Variants in GRM5 observed in about 807,000 individuals in gnomAD.
GRM5 encodes the protein glutamate metabotropic receptor 5.
Under a neutral mutation model 83.1 loss-of-function variants are expected in GRM5, and 19 were observed. That is an observed-to-expected ratio of 0.23 (90% CI 0.16 to 0.34). GRM5 has a LOEUF of 0.34. Among genes scored for constraint, GRM5 ranks in the 10% least tolerant of loss-of-function variants. The pLI is 1.00. For missense variants in GRM5, 1,160 were observed against 1,588.3 expected, an observed-to-expected ratio of 0.73 and a Z score of 4.58; for synonymous variants, 675 against 633.6, an observed-to-expected ratio of 1.07 and a Z score of -0.98.
At chr11:88,909,545 T>TACACACAC (rs60637208) in intron 2 of GRM5, among the ~76,000 whole-genome samples, 7,496 of 146,090 alleles carry the variant, frequency 0.051, 266 homozygotes, top group South Asian at 0.1. Context: ...TCCTCACCAG[T>TACACACAC]ACACACACAC....
intron 3 of GRM5, among the ~76,000 whole-genome samples, chr11:88,715,433 G>GA (rs5793345): frequency 0.048 from 7,279 of 150,458 alleles, 167 homozygotes; most frequent in Middle Eastern, 0.088. Flanking sequence ...ATTTTTTCAT[G>GA]AAAAAAAAAA....
chr11:88,515,184 C>A (rs1941489728), intron 9 of GRM5, among the ~76,000 whole-genome samples: 1 of 152,118 alleles, frequency 6.6e-6, no homozygotes, highest in South Asian at 2.1e-4. Flanking sequence ...AGCACCTTAA[C>A]AAAGGAGAAT....
chr11:88,566,376 C>T (rs1942874481), intron 8 of GRM5, among the ~76,000 whole-genome samples: 1 of 152,186 alleles, frequency 6.6e-6, no homozygotes, highest in Non-Finnish European at 1.5e-5. Context: ...GGTCGAATAA[C>T]TACTACCTGT....
At chr11:88,646,824 G>A (rs1939468478) in intron 4 of GRM5, among the ~76,000 whole-genome samples, 1 of 149,590 alleles carries the variant, frequency 6.7e-6, no homozygotes, top group South Asian at 2.2e-4. Flanking sequence ...TGCAGGTTCT[G>A]ACTGCAAAAT....
At chr11:88,844,542 C>T (rs964595916) in intron 3 of GRM5, among the ~76,000 whole-genome samples, 1 of 152,082 alleles carries the variant, frequency 6.6e-6, no homozygotes, top group Non-Finnish European at 1.5e-5. Context: ...TATGAATCAA[C>T]AAGTAATTTT....
chr11:88,588,313 C>A (rs2135203855), intron 7 of GRM5, among the ~76,000 whole-genome samples: 1 of 152,154 alleles, frequency 6.6e-6, no homozygotes, highest in Middle Eastern at 3.4e-3. Flanking sequence ...TTGTTAAAAG[C>A]ACCTTGCTTA....
intron 2 of GRM5, among the ~76,000 whole-genome samples, chr11:88,905,945 A>T (rs899321591): frequency 3.9e-5 from 6 of 152,196 alleles, no homozygotes; most frequent in African/African-American, 1.2e-4. Context: ...ATTTTAGAGA[A>T]TAAAACAGGA....
At chr11:88,875,229 T>A (rs913177779) in intron 2 of GRM5, among the ~76,000 whole-genome samples, 2 of 152,040 alleles carry the variant, frequency 1.3e-5, no homozygotes, top group African/African-American at 2.4e-5. Context: ...ATTTTCTAAA[T>A]CATTCTCATT....
intron 3 of GRM5, among the ~76,000 whole-genome samples, chr11:88,711,121 A>G (rs1255324472): frequency 1.3e-5 from 2 of 152,062 alleles, no homozygotes; most frequent in Non-Finnish European, 2.9e-5. Context: ...AAACAAAGGG[A>G]TAATGGGAGG....
intron 3 of GRM5, among the ~76,000 whole-genome samples, chr11:88,807,679 AAG>A (rs1943519707): frequency 6.6e-6 from 1 of 152,088 alleles, no homozygotes; most frequent in Admixed American, 6.6e-5. Context: ...CTGTCACCAA[AAG>A]AGAGATCTGA....
chr11:88,689,674 C>G (rs1223245817), intron 3 of GRM5, among the ~76,000 whole-genome samples: 1 of 152,136 alleles, frequency 6.6e-6, no homozygotes, highest in Non-Finnish European at 1.5e-5. Flanking sequence ...ACTTTCTGAT[C>G]CCCAGCTCTG....
chr11:88,650,252 C>T (rs550132700), intron 4 of GRM5, among the ~76,000 whole-genome samples: 43 of 151,788 alleles, frequency 2.8e-4, no homozygotes, highest in Non-Finnish European at 5.0e-4. Flanking sequence ...ATGAGAGATA[C>T]AGTAAGGTAA....
chr11:88,953,162 G>T (rs1938513726), intron 2 of GRM5, among the ~76,000 whole-genome samples: 1 of 152,184 alleles, frequency 6.6e-6, no homozygotes, highest in African/African-American at 2.4e-5. Context: ...CTTGCAATTT[G>T]TAAGACTCGT....
At chr11:88,759,627 G>A (rs1442161349) in intron 3 of GRM5, among the ~76,000 whole-genome samples, 1 of 152,084 alleles carries the variant, frequency 6.6e-6, no homozygotes, top group Non-Finnish European at 1.5e-5. Flanking sequence ...CAATAATAGT[G>A]GGAGATTTCA....
At chr11:88,882,936 T>C (rs1944984094) in intron 2 of GRM5, among the ~76,000 whole-genome samples, 1 of 152,012 alleles carries the variant, frequency 6.6e-6, no homozygotes, top group Non-Finnish European at 1.5e-5. Flanking sequence ...AAAGGGGAGT[T>C]TCCCTGCCTA....
chr11:88,526,762 A>G (rs545286462), intron 8 of GRM5, among the ~76,000 whole-genome samples: 29 of 152,224 alleles, frequency 1.9e-4, no homozygotes, highest in African/African-American at 6.5e-4. Context: ...TAAAGTATCT[A>G]GTATTTGAAG....
chr11:89,051,625 G>A (rs1277514512), intron 1 of GRM5, among the ~76,000 whole-genome samples: 4 of 152,002 alleles, frequency 2.6e-5, no homozygotes, highest in African/African-American at 7.2e-5. Flanking sequence ...CAGGAGAATC[G>A]CTTGAACCTG....
At chr11:88,540,139 T>C (rs1942232356) in intron 8 of GRM5, among the ~76,000 whole-genome samples, 1 of 152,168 alleles carries the variant, frequency 6.6e-6, no homozygotes, top group East Asian at 1.9e-4. Flanking sequence ...CCCCCTTCTA[T>C]CATACACAGA....
chr11:88,730,641 A>AGAT (rs1383173661), intron 3 of GRM5, among the ~76,000 whole-genome samples: 2 of 152,112 alleles, frequency 1.3e-5, no homozygotes, highest in Non-Finnish European at 2.9e-5. Flanking sequence ...ATGATAGACT[A>AGAT]GATAAAAAAA....
Sources: allele counts gnomAD v4.1 joint callset (sites outside exome capture counted in the v4.1 genomes callset), GRCh38; gene constraint gnomAD v4.1.1; transcripts MANE v1.5; gene names NCBI Gene and HGNC (gene_info 2026-07-23, HGNC 2026-07-21).